Variants in CNTN6 observed in about 807,000 individuals in gnomAD.
The protein encoded by CNTN6 is contactin 6.
Under a neutral mutation model 122.8 loss-of-function variants are expected in CNTN6, and 137 were observed. The ratio of observed to expected loss-of-function variants is 1.12; its 90% CI spans 0.97 to 1.29. The LOEUF (loss-of-function observed/expected upper bound fraction) is 1.29. CNTN6 is among the 50% of genes most tolerant of loss of function. The pLI, the probability that CNTN6 is intolerant of heterozygous loss-of-function variation, is 0.00. For missense variants in CNTN6, 1,634 were observed against 1,223.4 expected (o/e 1.34, Z -5.01); for synonymous variants, 570 against 426.0 (o/e 1.34, Z -4.16).
intron 2 of CNTN6, among the ~76,000 whole-genome samples, chr3:1,168,094 G>C (rs2093291815): frequency 6.6e-6 from 1 of 151,852 alleles, no homozygotes; most frequent in South Asian, 2.1e-4. Context: ...TTTTAGTAGA[G>C]AGGGAGGTTC....
intron 1 of CNTN6, among the ~76,000 whole-genome samples, chr3:1,119,371 C>G (rs1375314661): frequency 3.5e-5 from 1 of 28,796 alleles, no homozygotes; most frequent in South Asian, 1.1e-3. Context: ...TCTCTTTGGC[C>G]CAGATAAACT....
chr3:1,279,190 T>G (rs1169861359), intron 5 of CNTN6, among the ~76,000 whole-genome samples: 1 of 152,200 alleles, frequency 6.6e-6, no homozygotes, highest in East Asian at 1.9e-4. Context: ...TTTGGAAGAC[T>G]CTGGCTTGGT....
intron 10 of CNTN6, among the ~76,000 whole-genome samples, chr3:1,328,216 C>G (rs910849523): frequency 2.0e-5 from 3 of 151,748 alleles, no homozygotes; most frequent in African/African-American, 7.3e-5. Context: ...CATGACCATC[C>G]AGACATCAAG....
chr3:1,099,335 C>G (rs1393728519), intron 1 of CNTN6, among the ~76,000 whole-genome samples: 1 of 151,798 alleles, frequency 6.6e-6, no homozygotes, highest in African/African-American at 2.4e-5. Context: ...CCTGTAGTCC[C>G]AGCTACTGGG....
At chr3:1,290,670 C>CTGAGG (rs1695178694) in intron 5 of CNTN6, among the ~76,000 whole-genome samples, 1 of 152,154 alleles carries the variant, frequency 6.6e-6, no homozygotes, top group South Asian at 2.1e-4. Context: ...CATAGCAGCC[C>CTGAGG]TGAGGGCTGC....
chr3:1,358,533 T>C (rs920647945), intron 12 of CNTN6, among the ~76,000 whole-genome samples: 3 of 151,928 alleles, frequency 2.0e-5, no homozygotes, highest in African/African-American at 4.8e-5. Flanking sequence ...ATGTTTTCAG[T>C]CTCTGGATCC....
At chr3:1,372,219 T>C in intron 12 of CNTN6, 80 bp from the exon 13 acceptor site, 2 of 1,087,466 alleles carry the variant, frequency 1.8e-6, no homozygotes, top group South Asian at 1.9e-5. Flanking sequence ...AAATGAATGA[T>C]AAAGTATTCA....
At chr3:1,275,841 AGTGGCT>A (rs1435346831) in intron 4 of CNTN6, among the ~76,000 whole-genome samples, 1 of 152,156 alleles carries the variant, frequency 6.6e-6, no homozygotes, top group Non-Finnish European at 1.5e-5. Flanking sequence ...ATTGACAGGG[AGTGGCT>A]GTAAATAAAA....
intron 7 of CNTN6, among the ~76,000 whole-genome samples, chr3:1,316,221 G>T (rs1268102977): frequency 6.6e-6 from 1 of 151,846 alleles, no homozygotes; most frequent in East Asian, 1.9e-4. Context: ...TTCTTGCACT[G>T]CTATAAAGAA....
rs1276231670 is a variant in CNTN6 at position 1,352,222 on chromosome 3, A to T, written c.1365-102A>T. ...GAAAGGAAAAAATTCATATTATCAC[A>T]TACACCCATGATTTTAGTAAAGTTT... is the stretch of plus-strand genomic sequence containing the variant. On this transcript the variant is annotated intron_variant, in intron 11 of 22. Transcript: ENST00000446702. 3 of 1,050,196 alleles carry T rather than the reference A, an allele frequency of 2.9e-6. No homozygotes were observed. The African/African-American group carries it at 4.9e-5, about 17-fold the overall frequency. 65.1% of individuals were successfully genotyped at this position (1,050,196 alleles called of 1,614,324 possible). A position where few individuals can be genotyped will look rare whatever the true frequency, so the allele number is the denominator to read the frequency against.
In CNTN6 at chr3:1,385,712, C is replaced by T. The variant is rs1692783475; in HGVS notation, c.2619C>T (p.Thr873=). ...ACATCACGGGGCTGAAAGCTAATACCATCTACTTTGCTTCCGTAAGAGCTT... is the reference window on the plus strand; with the variant it reads ...ACATCACGGGGCTGAAAGCTAATACTATCTACTTTGCTTCCGTAAGAGCTT... ...TKNITGLKAN[T]IYFASVRAYN... is the part of the protein sequence containing the mutation. The change falls in exon 20 of 23, where the codon ACC becomes ACT. Residue 873 remains threonine, a synonymous_variant. Transcript: ENST00000446702. 8.1e-6 allele frequency: 13 copies of T among 1,614,052 alleles called. No homozygotes were observed. Among genetic ancestry groups the T allele is most frequent in the South Asian group, 6.6e-5 (6 of 91,076 alleles).
intron 1 of CNTN6, among the ~76,000 whole-genome samples, chr3:1,130,383 G>A (rs2092305499): frequency 6.6e-6 from 1 of 152,046 alleles, no homozygotes; most frequent in Admixed American, 6.6e-5. Context: ...TTCTGGCCTA[G>A]GAAGCGTGCT....
At chr3:1,124,137 A>G (rs1367143861) in intron 1 of CNTN6, among the ~76,000 whole-genome samples, 1 of 151,880 alleles carries the variant, frequency 6.6e-6, no homozygotes, top group Non-Finnish European at 1.5e-5. Context: ...TTTGATTGTC[A>G]TAACTGGAGG....
chr3:1,099,759 G>T (rs1021848420), intron 1 of CNTN6, among the ~76,000 whole-genome samples: 1 of 152,022 alleles, frequency 6.6e-6, no homozygotes, highest in African/African-American at 2.4e-5. Flanking sequence ...GATGAAGTTG[G>T]ACTTATTTCT....
chr3:1,096,177 T>G (rs1225661555), intron 1 of CNTN6, among the ~76,000 whole-genome samples: 3 of 152,168 alleles, frequency 2.0e-5, no homozygotes, highest in African/African-American at 4.8e-5. Flanking sequence ...TTTGCAACAT[T>G]TTTAGGTCTG....
At chr3:1,321,620 C>G (rs754216268) in intron 7 of CNTN6, 30 bp from the exon 8 acceptor site, 1 of 1,554,548 alleles carries the variant, frequency 6.4e-7, no homozygotes, top group Non-Finnish European at 8.7e-7. Flanking sequence ...ATTAAACCGT[C>G]TTCTATTCTA....
chr3:1,102,475 A>T (rs368936664), intron 1 of CNTN6, among the ~76,000 whole-genome samples: 2 of 152,164 alleles, frequency 1.3e-5, no homozygotes, highest in South Asian at 2.1e-4. Flanking sequence ...TCCCGCCTGT[A>T]ATCCCAGCAC....
chr3:1,287,228 C>G (rs970803713), intron 5 of CNTN6, among the ~76,000 whole-genome samples: 1 of 152,142 alleles, frequency 6.6e-6, no homozygotes, highest in Non-Finnish European at 1.5e-5. Flanking sequence ...TAATAGACAT[C>G]TACGGGAGTA....
In CNTN6 at chr3:1,403,363, T is replaced by G; in HGVS notation, c.3032T>G (p.Phe1011Cys). The G allele has an allele frequency of 1.9e-6, 3 of 1,611,710 alleles. No homozygotes were observed. Among genetic ancestry groups the G allele is most frequent in the Non-Finnish European group, 2.5e-6 (3 of 1,178,806 alleles). The stretch of plus-strand genomic sequence containing the variant: ...CAATTCTTAGAACCTAGCACCCATT[T>G]TCTTTCCATTGTCATTGTGATTTTT... The part of the protein sequence containing the change: ...GIQFLEPSTH[F>C]LSIVIVIFHC... The change falls in exon 23 of 23, where the codon TTT (phenylalanine) becomes TGT (cysteine). Residue 1011 changes from phenylalanine (F) to cysteine (C), a missense_variant. Phe to Cys is a radical substitution (Grantham distance 205). Transcript: ENST00000446702.
Sources: allele counts gnomAD v4.1 joint callset (sites outside exome capture counted in the v4.1 genomes callset), GRCh38; gene constraint gnomAD v4.1.1; transcripts MANE v1.5; gene names NCBI Gene and HGNC (gene_info 2026-07-23, HGNC 2026-07-21).